DUSP22: variants seen among roughly 807,000 people sequenced by gnomAD.
DUSP22 encodes dual specificity protein phosphatase 22.
DUSP22 carries 24 observed loss-of-function variants against 24.5 expected under a neutral mutation model. That is an observed-to-expected ratio of 0.98 (90% confidence interval 0.71 to 1.38). The LOEUF (loss-of-function observed/expected upper bound fraction) is 1.38. DUSP22 is among the 40% of genes most tolerant of loss of function. The pLI is 0.00. For missense variants in DUSP22, 330 were observed against 269.2 expected (o/e 1.23, Z -1.58); for synonymous variants, 160 against 106.4 (o/e 1.50, Z -3.10).
intron 1 of DUSP22, among the ~76,000 whole-genome samples, chr6:297,311 T>C (rs1301139149): frequency 1.3e-5 from 2 of 152,308 alleles, no homozygotes; most frequent in Non-Finnish European, 2.9e-5. Context: ...TGGGAATTTA[T>C]TAGAACACAT....
chr6:332,309 A>C (rs1459801993), intron 3 of DUSP22, among the ~76,000 whole-genome samples: 1 of 152,312 alleles, frequency 6.6e-6, no homozygotes, highest in Admixed American at 6.5e-5. Context: ...GAGGATTCAC[A>C]GATGGGAGGC....
intron 1 of DUSP22, among the ~76,000 whole-genome samples, chr6:294,592 A>G (rs1314191559): frequency 6.6e-6 from 1 of 152,296 alleles, no homozygotes; most frequent in African/African-American, 2.4e-5. Context: ...TTCATGGAAG[A>G]TTCCATGTTT....
intron 4 of DUSP22, among the ~76,000 whole-genome samples, chr6:336,561 A>T (rs879926706): frequency 1.1e-4 from 16 of 152,298 alleles, no homozygotes; most frequent in Non-Finnish European, 2.2e-4. Context: ...TGGGAAAAAA[A>T]ATAGAGCTGG....
chr6:340,984 A>G (rs1759580237), intron 4 of DUSP22, among the ~76,000 whole-genome samples: 1 of 152,134 alleles, frequency 6.6e-6, no homozygotes, highest in Non-Finnish European at 1.5e-5. Flanking sequence ...CCATCTGGGC[A>G]CTGGCTCTTG....
chr6:328,751 G>A (rs549681951), intron 3 of DUSP22, among the ~76,000 whole-genome samples: 14 of 152,420 alleles, frequency 9.2e-5, no homozygotes, highest in Middle Eastern at 3.4e-3. Flanking sequence ...CCTAACTAAT[G>A]GAGCATATTT....
chr6:303,184 A>T (rs1388988958), intron 1 of DUSP22, among the ~76,000 whole-genome samples: 1 of 152,306 alleles, frequency 6.6e-6, no homozygotes, highest in Non-Finnish European at 1.5e-5. Context: ...CTGTGCAGTC[A>T]AGCATTGCCA....
rs559395443 is a variant in DUSP22 at position 349,078 on chromosome 6, C to T, written c.*127C>T. The T allele has an allele frequency of 6.8e-6, 10 of 1,472,224 alleles. No homozygotes were observed. In the African/African-American group the frequency reaches 1.1e-4, roughly 16 times the overall value. The allele number at this position is 1,472,224 out of a possible 1,614,324, so 91.2% of individuals were successfully genotyped here. On this transcript the variant is annotated 3_prime_UTR_variant, in exon 7 of 7. Coordinates refer to ENST00000419235, the MANE Select transcript of DUSP22 (RefSeq NM_001286555.3). Reference sequence around the variant, plus strand: ...GCCAGGGCGAGGTGGGGCGAGGGCTCCTTCCCCCAAGCAACACCGCCCAGC... The same window carrying T: ...GCCAGGGCGAGGTGGGGCGAGGGCTTCTTCCCCCAAGCAACACCGCCCAGC...
At chr6:308,917 C>T (rs1757945313) in intron 2 of DUSP22, among the ~76,000 whole-genome samples, 3 of 152,304 alleles carry the variant, frequency 2.0e-5, no homozygotes, top group Admixed American at 1.3e-4. Context: ...CTGGCGCCAT[C>T]AGGCTGCCCC....
At chr6:348,502 C>CGTGCACCTGTTGAAGCCACAGG in intron 6 of DUSP22, 2 of 859,600 alleles carry the variant, frequency 2.3e-6, no homozygotes, top group African/African-American at 1.7e-5. Flanking sequence ...GCCTGGTACT[C>CGTGCACCTGTTGAAGCCACAGG]CCTACTAGTT....
chr6:349,209 G>A lies in DUSP22; in HGVS notation c.*258G>A, dbSNP rs566759408. On this transcript the variant is annotated 3_prime_UTR_variant, in exon 7 of 7. Transcript: ENST00000419235. ...GCTGTGCACTGCTCTGTGCACGTGC[G>A]TGTGTGTGAGTGCACTTGTGTGTGG... The A allele has an allele frequency of 7.2e-3, 10,050 of 1,388,342 alleles. No homozygotes were observed. Among genetic ancestry groups the A allele is most frequent in the Non-Finnish European group, 8.5e-3 (9,113 of 1,070,126 alleles). 86.0% of individuals were successfully genotyped at this position (1,388,342 alleles called of 1,614,324 possible). A position where few individuals can be genotyped will look rare whatever the true frequency, so the allele number is the denominator to read the frequency against.
intron 4 of DUSP22, 108 bp from the exon 5 acceptor site, chr6:345,746 C>A: frequency 1.5e-6 from 2 of 1,374,154 alleles, no homozygotes; most frequent in Non-Finnish European, 2.0e-6. Context: ...GTCAATTATA[C>A]AAAAAAATCA....
chr6:338,445 G>A (rs923891540), intron 4 of DUSP22, among the ~76,000 whole-genome samples: 11 of 152,288 alleles, frequency 7.2e-5, no homozygotes, highest in African/African-American at 2.2e-4. Flanking sequence ...TACCTCTCTC[G>A]GGGTATTTAT....
intron 3 of DUSP22, among the ~76,000 whole-genome samples, chr6:319,756 T>A (rs1758508804): frequency 6.6e-6 from 1 of 152,306 alleles, no homozygotes; most frequent in African/African-American, 2.4e-5. Flanking sequence ...TGACAGTTGT[T>A]TCCAGCACAC....
chr6:299,710 A>G (rs815591), intron 1 of DUSP22, among the ~76,000 whole-genome samples: 2,908 of 151,390 alleles, frequency 0.019, 2 homozygotes, highest in African/African-American at 0.068. Flanking sequence ...CTCATCTTCA[A>G]TTCCTTTTAA....
chr6:348,525 T>C, intron 6 of DUSP22: 1 of 854,782 alleles, frequency 1.2e-6, no homozygotes, highest in Non-Finnish European at 1.8e-6. Context: ...TTTCTCTCCC[T>C]TTGGGTGACG....
At chr6:300,822 G>T (rs900726539) in intron 1 of DUSP22, among the ~76,000 whole-genome samples, 1 of 152,304 alleles carries the variant, frequency 6.6e-6, no homozygotes, top group East Asian at 1.9e-4. Context: ...ATCCAAATGT[G>T]GTTACCTTAG....
At chr6:329,177 A>G (rs1051796121) in intron 3 of DUSP22, among the ~76,000 whole-genome samples, 2 of 152,306 alleles carry the variant, frequency 1.3e-5, no homozygotes, top group Admixed American at 1.3e-4. Context: ...CCTGATTGCC[A>G]TCTCCTGGGT....
intron 3 of DUSP22, among the ~76,000 whole-genome samples, chr6:328,240 T>C (rs368501778): frequency 2.6e-5 from 4 of 152,304 alleles, no homozygotes; most frequent in South Asian, 2.1e-4. Flanking sequence ...GAGTCACAAT[T>C]GTGTACATCA....
At chr6:325,702 C>G in intron 3 of DUSP22, 2 of 236,052 alleles carry the variant, frequency 8.5e-6, no homozygotes, top group South Asian at 9.4e-5. Context: ...GTCATCTGCC[C>G]TGGGCTTCCG....
Sources: allele counts gnomAD v4.1 joint callset (sites outside exome capture counted in the v4.1 genomes callset), GRCh38; gene constraint gnomAD v4.1.1; transcripts MANE v1.5; gene names NCBI Gene and HGNC (gene_info 2026-07-23, HGNC 2026-07-21).